Variants in PIP4K2A observed in about 807,000 individuals in gnomAD.
PIP4K2A encodes the protein phosphatidylinositol 5-phosphate 4-kinase type-2 alpha.
A neutral mutation model predicts 42.9 loss-of-function variants in PIP4K2A; 14 were observed. The observed-to-expected ratio is 0.33, with a 90% CI of 0.22 to 0.51. PIP4K2A has a LOEUF of 0.51. Ranked by LOEUF, PIP4K2A falls within the 20% of genes least tolerant of loss-of-function variation. The probability of loss-of-function intolerance (pLI) is 0.97; values close to 1 mark genes in which losing one functional copy is unlikely to be tolerated. For missense variants in PIP4K2A, 434 were observed against 519.8 expected (o/e 0.83, Z 1.61); for synonymous variants, 192 against 192.2 (o/e 1.00, Z 0.01).
At chr10:22,543,394 A>G (rs1014432829) in intron 7 of PIP4K2A, among the ~76,000 whole-genome samples, 1 of 152,216 alleles carries the variant, frequency 6.6e-6, no homozygotes, top group Non-Finnish European at 1.5e-5. Flanking sequence ...CTCAAAAAAG[A>G]GAAATCACAC....
At chr10:22,542,700 G>A (rs955536015) in intron 7 of PIP4K2A, among the ~76,000 whole-genome samples, 1 of 152,194 alleles carries the variant, frequency 6.6e-6, no homozygotes, top group South Asian at 2.1e-4. Context: ...ACCCAGCTCT[G>A]TGTGTTTGGC....
At chr10:22,538,408 G>A (rs995616948) in intron 9 of PIP4K2A, among the ~76,000 whole-genome samples, 5 of 150,874 alleles carry the variant, frequency 3.3e-5, no homozygotes, top group African/African-American at 1.2e-4. Flanking sequence ...AATTTCACAG[G>A]ATGTATAATA....
intron 4 of PIP4K2A, among the ~76,000 whole-genome samples, chr10:22,584,151 G>A (rs1265544021): frequency 6.6e-6 from 1 of 152,168 alleles, no homozygotes; most frequent in Non-Finnish European, 1.5e-5. Context: ...GAATTACAGA[G>A]GTGGGAACTC....
chr10:22,655,903 T>C (rs530369174), intron 1 of PIP4K2A, among the ~76,000 whole-genome samples: 6 of 152,244 alleles, frequency 3.9e-5, no homozygotes, highest in South Asian at 4.2e-4. Context: ...TTGTGTAGTG[T>C]TGCATCGTTC....
At chr10:22,650,927 G>A (rs1463869556) in intron 1 of PIP4K2A, among the ~76,000 whole-genome samples, 2 of 151,866 alleles carry the variant, frequency 1.3e-5, no homozygotes, top group Admixed American at 1.3e-4. Flanking sequence ...GCCACCTCAG[G>A]CCACGGCCTC....
At chr10:22,627,620 A>AAAAAAAAAAAAAAAAAAAAAAC (rs1838472883) in intron 1 of PIP4K2A, among the ~76,000 whole-genome samples, 1 of 124,502 alleles carries the variant, frequency 8.0e-6, no homozygotes, top group Non-Finnish European at 1.8e-5. Context: ...AAAAAAAAAA[A>AAAAAAAAAAAAAAAAAAAAAAC]AAAAAAAAAA....
rs1311730682 is a variant in PIP4K2A at position 22,548,439 on chromosome 10, C to T, written c.792+2220G>A. 3.3e-5 allele frequency among the ~76,000 whole-genome samples: 5 copies of T among 152,312 alleles called. No homozygotes were observed. The East Asian group carries it at 7.7e-4, about 23-fold the overall frequency. On this transcript the variant is annotated intron_variant, in intron 7 of 9. Transcript: ENST00000376573. ...GGAGTCTAAATATCATAGTGATATA[C>T]TGCCAACAGAAAAAAACCATTTTTT...
chr10:22,595,165 A>T (rs1221769397), intron 3 of PIP4K2A, among the ~76,000 whole-genome samples: 1 of 152,244 alleles, frequency 6.6e-6, no homozygotes, highest in Non-Finnish European at 1.5e-5. Flanking sequence ...TAAGGCCTGG[A>T]AAAATCCAAC....
At chr10:22,704,440 G>A (rs1833776558) in intron 1 of PIP4K2A, among the ~76,000 whole-genome samples, 1 of 151,920 alleles carries the variant, frequency 6.6e-6, no homozygotes. Context: ...TGCCAGGTAC[G>A]GTGTCTCTAT....
At chr10:22,543,823 C>T (rs950087634) in intron 7 of PIP4K2A, among the ~76,000 whole-genome samples, 2 of 152,198 alleles carry the variant, frequency 1.3e-5, no homozygotes, top group African/African-American at 4.8e-5. Flanking sequence ...GTCTCGGGTA[C>T]CAGCTCCGCT....
At chr10:22,604,015 A>G (rs982278886) in intron 3 of PIP4K2A, among the ~76,000 whole-genome samples, 48 of 139,026 alleles carry the variant, frequency 3.5e-4, no homozygotes, top group African/African-American at 1.0e-3. Context: ...GCACGCACAC[A>G]CACACACACA....
chr10:22,618,150 C>T (rs998107599), intron 1 of PIP4K2A, among the ~76,000 whole-genome samples: 3 of 152,166 alleles, frequency 2.0e-5, no homozygotes, highest in Non-Finnish European at 2.9e-5. Context: ...AGGTTCACGA[C>T]CTAAAATGTG....
chr10:22,681,601 G>C (rs1358494196), intron 1 of PIP4K2A, among the ~76,000 whole-genome samples: 2 of 151,552 alleles, frequency 1.3e-5, no homozygotes, highest in East Asian at 1.9e-4. Flanking sequence ...CTTGAGCCTG[G>C]GGGGTAGAGG....
At chr10:22,684,397 A>T (rs1389358594) in intron 1 of PIP4K2A, among the ~76,000 whole-genome samples, 1 of 152,212 alleles carries the variant, frequency 6.6e-6, no homozygotes, top group Non-Finnish European at 1.5e-5. Context: ...GTTGTTTAAA[A>T]AACTTTTAAG....
chr10:22,670,789 T>C (rs1404964713), intron 1 of PIP4K2A, among the ~76,000 whole-genome samples: 3 of 152,194 alleles, frequency 2.0e-5, no homozygotes, highest in African/African-American at 7.2e-5. Flanking sequence ...AAACACTTGA[T>C]TATCTCTTTG....
chr10:22,591,604 T>C, intron 4 of PIP4K2A, 25 bp downstream of exon 4: 1 of 1,577,806 alleles, frequency 6.3e-7, no homozygotes, highest in Non-Finnish European at 8.7e-7. Flanking sequence ...TCTTGGAGTT[T>C]CAAATAAAGA....
At chr10:22,629,402 C>A (rs1397614898) in intron 1 of PIP4K2A, among the ~76,000 whole-genome samples, 1 of 152,076 alleles carries the variant, frequency 6.6e-6, no homozygotes, top group Admixed American at 6.6e-5. Context: ...CTGCAATTGG[C>A]AGAGGATGCT....
chr10:22,679,216 A>G (rs1839616129), intron 1 of PIP4K2A, among the ~76,000 whole-genome samples: 1 of 152,232 alleles, frequency 6.6e-6, no homozygotes, highest in Non-Finnish European at 1.5e-5. Flanking sequence ...AACTCTTACA[A>G]TTCAATAAAA....
chr10:22,664,077 GTATATATATATACA>G (rs1564459823), intron 1 of PIP4K2A, among the ~76,000 whole-genome samples: 64 of 37,740 alleles, frequency 1.7e-3, no homozygotes, highest in South Asian at 0.013. Flanking sequence ...ATATATATAC[GTATATATATATACA>G]TATATATATA....
Sources: allele counts gnomAD v4.1 joint callset (sites outside exome capture counted in the v4.1 genomes callset), GRCh38; gene constraint gnomAD v4.1.1; transcripts MANE v1.5; gene names NCBI Gene and HGNC (gene_info 2026-07-23, HGNC 2026-07-21).